The following FHIT variants were observed in gnomAD, a reference collection of about 807,000 sequenced individuals.
FHIT encodes bis(5'-adenosyl)-triphosphatase.
FHIT carries 19 observed loss-of-function variants against 17.9 expected under a neutral mutation model. The ratio of observed to expected loss-of-function variants is 1.06; its 90% CI spans 0.74 to 1.56. The LOEUF is 1.56. FHIT is among the 40% of genes most tolerant of loss of function. The pLI, the probability that FHIT is intolerant of heterozygous loss-of-function variation, is 0.00. For synonymous variants in FHIT, 81 were observed against 69.7 expected (o/e 1.16, Z -0.81); for missense variants, 248 against 189.2 (o/e 1.31, Z -1.82).
At chr3:60,178,858 G>A (rs1204489915) in intron 5 of FHIT, among the ~76,000 whole-genome samples, 1 of 152,084 alleles carries the variant, frequency 6.6e-6, no homozygotes, top group African/African-American at 2.4e-5. Flanking sequence ...GAGAAGTTCT[G>A]CAGTAAAGAA....
chr3:59,846,338 T>C (rs74716236), intron 8 of FHIT, among the ~76,000 whole-genome samples: 3,298 of 152,250 alleles, frequency 0.022, 126 homozygotes, highest in African/African-American at 0.075. Flanking sequence ...TTTGAATTTA[T>C]GCCAGCTTAA....
At chr3:60,666,102 T>G (rs368115561) in intron 4 of FHIT, among the ~76,000 whole-genome samples, 90 of 152,266 alleles carry the variant, frequency 5.9e-4, no homozygotes, top group African/African-American at 2.1e-3. Context: ...GGTATTATAA[T>G]TTTTGTTTTA....
At chr3:60,865,939 A>C (rs1704138870) in intron 3 of FHIT, among the ~76,000 whole-genome samples, 1 of 152,126 alleles carries the variant, frequency 6.6e-6, no homozygotes, top group South Asian at 2.1e-4. Context: ...ACACAATTGT[A>C]GATTTTTTTT....
intron 5 of FHIT, among the ~76,000 whole-genome samples, chr3:60,263,583 G>GT (rs1706408827): frequency 6.6e-6 from 1 of 151,890 alleles, no homozygotes; most frequent in African/African-American, 2.4e-5. Flanking sequence ...CATGCTACAT[G>GT]ATTCCATTTA....
intron 5 of FHIT, among the ~76,000 whole-genome samples, chr3:60,030,345 A>T (rs1437364599): frequency 2.0e-5 from 3 of 152,176 alleles, no homozygotes; most frequent in Non-Finnish European, 4.4e-5. Flanking sequence ...GTTCCACTAT[A>T]GGCCCTTTCT....
chr3:61,025,383 T>G (rs1004389919), intron 3 of FHIT, among the ~76,000 whole-genome samples: 1 of 152,238 alleles, frequency 6.6e-6, no homozygotes, highest in Non-Finnish European at 1.5e-5. Context: ...AATGTCACTC[T>G]ATATGATTTT....
intron 5 of FHIT, among the ~76,000 whole-genome samples, chr3:60,032,284 A>AC (rs1283757147): frequency 1.3e-5 from 2 of 151,800 alleles, no homozygotes; most frequent in Non-Finnish European, 2.9e-5. Context: ...AAGTAGTGAG[A>AC]CCCCATATCT....
intron 3 of FHIT, among the ~76,000 whole-genome samples, chr3:60,907,886 C>T (rs941255275): frequency 1.9e-4 from 29 of 152,110 alleles, no homozygotes; most frequent in African/African-American, 6.3e-4. Flanking sequence ...TGATTGATAC[C>T]ACATATATCC....
intron 5 of FHIT, among the ~76,000 whole-genome samples, chr3:60,195,102 G>A (rs1010556429): frequency 7.2e-5 from 11 of 152,146 alleles, no homozygotes; most frequent in South Asian, 2.1e-4. Flanking sequence ...GAAGGCGGAC[G>A]TTGCAGTTAG....
At chr3:60,165,166 C>T (rs1387061499) in intron 5 of FHIT, among the ~76,000 whole-genome samples, 1 of 152,082 alleles carries the variant, frequency 6.6e-6, no homozygotes, top group East Asian at 1.9e-4. Context: ...TCAGTGTTAG[C>T]AGAGAAAACC....
chr3:60,441,985 T>C (rs555103432), intron 5 of FHIT, among the ~76,000 whole-genome samples: 2 of 150,350 alleles, frequency 1.3e-5, no homozygotes, highest in South Asian at 4.2e-4. Flanking sequence ...TAGTCTTTCA[T>C]ATACCTGGGA....
At chr3:60,902,162 T>C (rs1553763320) in intron 3 of FHIT, among the ~76,000 whole-genome samples, 1 of 152,194 alleles carries the variant, frequency 6.6e-6, no homozygotes, top group Non-Finnish European at 1.5e-5. Context: ...TACTTTGCCA[T>C]AGTCAATCTT....
chr3:60,603,495 A>G (rs1553669592), intron 4 of FHIT, among the ~76,000 whole-genome samples: 2 of 151,076 alleles, frequency 1.3e-5, no homozygotes, highest in South Asian at 2.1e-4. Context: ...TCAACTGTTC[A>G]GAGGGTATTT....
At chr3:59,863,744 T>C (rs1335696691) in intron 8 of FHIT, among the ~76,000 whole-genome samples, 1 of 152,142 alleles carries the variant, frequency 6.6e-6, no homozygotes, top group Non-Finnish European at 1.5e-5. Flanking sequence ...TTATAAAGGA[T>C]AAAAAAAGGT....
At chr3:59,853,858 C>T (rs1702041038) in intron 8 of FHIT, among the ~76,000 whole-genome samples, 1 of 152,082 alleles carries the variant, frequency 6.6e-6, no homozygotes, top group Non-Finnish European at 1.5e-5. Context: ...GTCTAGAGTT[C>T]CTGTCATGAA....
rs541135400 is a variant in FHIT, at chr3:59,808,600, G to A, written c.349-56279C>T. Among the ~76,000 whole-genome samples, 3 of 152,294 alleles carry A rather than the reference G, an allele frequency of 2.0e-5. No homozygotes were observed. In the Middle Eastern group the frequency reaches 0.01, roughly 518 times the overall value. On this transcript the variant is annotated intron_variant, in intron 8 of 9. Transcript: ENST00000492590. ...TTGCCAATTTGCCTGACACACTGCA[G>A]ACAATCTTCTCACTCAAGCATGTTT...
chr3:61,207,113 G>A (rs187338556), intron 1 of FHIT, among the ~76,000 whole-genome samples: 2 of 152,152 alleles, frequency 1.3e-5, no homozygotes, highest in African/African-American at 4.8e-5. Context: ...TTATATGCTG[G>A]ATTACGTTAA....
intron 3 of FHIT, among the ~76,000 whole-genome samples, chr3:60,895,684 TTCTTTCTTTC>T (rs1174177881): frequency 1.1e-5 from 1 of 89,240 alleles, no homozygotes; most frequent in Non-Finnish European, 2.8e-5. Context: ...CTTTCTTTCT[TTCTTTCTTTC>T]TTTCTTTCTT....
chr3:60,334,722 G>A (rs935819944), intron 5 of FHIT, among the ~76,000 whole-genome samples: 5 of 152,240 alleles, frequency 3.3e-5, no homozygotes, highest in African/African-American at 1.2e-4. Flanking sequence ...AGGAAGCAGA[G>A]GTTGCAGTGA....
Sources: gnomAD v4.1 joint callset for allele counts (sites outside exome capture counted in the v4.1 genomes callset) on GRCh38, gnomAD v4.1.1 for gene constraint, MANE v1.5 for transcripts, NCBI Gene and HGNC (gene_info 2026-07-23, HGNC 2026-07-21) for gene names.